Variants in PUDP observed in about 807,000 individuals in gnomAD.
PUDP encodes pseudouridine-5'-phosphatase.
PUDP carries 8 observed loss-of-function variants against 9.4 expected under a neutral mutation model. The observed-to-expected ratio is 0.85, with a 90% CI of 0.50 to 1.53. PUDP has a LOEUF of 1.53. Among genes scored for constraint, PUDP ranks in the 40% most tolerant of loss-of-function variants. The pLI is 0.00. For missense variants in PUDP, 188 were observed against 189.7 expected, an observed-to-expected ratio of 0.99 and a Z score of 0.05; for synonymous variants, 99 against 80.7, an observed-to-expected ratio of 1.23 and a Z score of -1.22.
At chrX:7,112,070 A>G (rs1472823785) in intron 1 of PUDP, among the ~76,000 whole-genome samples, 1 of 111,430 alleles carries the variant, frequency 9.0e-6, no homozygotes, top group Non-Finnish European at 1.9e-5. Flanking sequence ...ACATTAAACC[A>G]GCTTCACAAA....
intron 3 of PUDP, among the ~76,000 whole-genome samples, chrX:6,911,702 A>G (rs935465647): frequency 1.2e-4 from 13 of 112,198 alleles, no homozygotes; most frequent in African/African-American, 4.2e-4. Context: ...CTGAAAATTT[A>G]TTTTAGAAGT....
chrX:6,942,652 A>G (rs1167476330), intron 3 of PUDP, among the ~76,000 whole-genome samples: 1 of 112,561 alleles, frequency 8.9e-6, no homozygotes, highest in Non-Finnish European at 1.9e-5. Flanking sequence ...CTTATTTGAA[A>G]GCAGGCTTTT....
chrX:6,916,490 T>G (rs937386665), intron 3 of PUDP, among the ~76,000 whole-genome samples: 4 of 108,353 alleles, frequency 3.7e-5, no homozygotes, highest in Non-Finnish European at 5.7e-5. Flanking sequence ...TAAATAAAAA[T>G]TAATGGGTTG....
At position 7,075,377 on chromosome X, in the gene PUDP, C is replaced by T. The variant is rs560334094; in HGVS notation, c.510+1843G>A. 1.2e-4 allele frequency among the ~76,000 whole-genome samples: 13 copies of T among 111,599 alleles called. 1 individual carries two copies. Among genetic ancestry groups the T allele is most frequent in the Admixed American group, 3.8e-4 (4 of 10,577 alleles). On this transcript the variant is annotated intron_variant, in intron 3 of 3. Transcript: ENST00000381077. ...AAAATTAGCCAGGCGTGATGGCACACGCCTGTAATCCCAGGTACTCAGGAG... is the reference window on the plus strand; with the variant it reads ...AAAATTAGCCAGGCGTGATGGCACATGCCTGTAATCCCAGGTACTCAGGAG...
At chrX:7,132,658 T>C (rs1265913997) in intron 1 of PUDP, among the ~76,000 whole-genome samples, 1 of 112,078 alleles carries the variant, frequency 8.9e-6, no homozygotes, top group East Asian at 2.8e-4. Flanking sequence ...CTAAGGTCAT[T>C]GTGATCCACA....
At chrX:6,976,178 T>C (rs992078645) in intron 3 of PUDP, among the ~76,000 whole-genome samples, 3 of 111,807 alleles carry the variant, frequency 2.7e-5, no homozygotes, top group African/African-American at 9.8e-5. Flanking sequence ...CTTGGCTCCC[T>C]GGCTTCAGCC....
rs113890163 is a variant in PUDP at position 7,028,216 on chromosome X, C to G, written c.204+49004G>C. On this transcript the variant is annotated intron_variant and NMD_transcript_variant, in intron 1 of 3. Coordinates refer to the PUDP transcript ENST00000655425. ...GTCTTTCTGTACTACTATATATAGT[C>G]TATATATTGTAAGGAGGAAGATAAT... 3.9e-3 allele frequency among the ~76,000 whole-genome samples: 423 copies of G among 109,242 alleles called. 2 individuals carry two copies. Among genetic ancestry groups the G allele is most frequent in the African/African-American group, 0.014 (407 of 30,108 alleles). The allele number at this position is 109,242 out of a possible 115,157, so 94.9% of individuals were successfully genotyped here. A position where few individuals can be genotyped will look rare whatever the true frequency, so the allele number is the denominator to read the frequency against.
At chrX:6,938,786 CTTTTTTTT>C (rs764265665) in intron 3 of PUDP, among the ~76,000 whole-genome samples, 51 of 83,412 alleles carry the variant, frequency 6.1e-4, no homozygotes, top group African/African-American at 2.2e-3. Flanking sequence ...TTCTTTCTTT[CTTTTTTTT>C]TTTTTTTTTT....
At chrX:6,856,703 C>T (rs948328333) in intron 3 of PUDP, among the ~76,000 whole-genome samples, 4 of 111,685 alleles carry the variant, frequency 3.6e-5, no homozygotes, top group African/African-American at 9.7e-5. Context: ...TCATTTTATG[C>T]GTCAACTTGA....
chrX:7,071,714 C>A (rs1042810725), intron 3 of PUDP, among the ~76,000 whole-genome samples: 1 of 110,595 alleles, frequency 9.0e-6, no homozygotes, highest in Non-Finnish European at 1.9e-5. Context: ...CAGCGTACAG[C>A]AGAGTTGAAA....
intron 3 of PUDP, among the ~76,000 whole-genome samples, chrX:6,946,326 T>C (rs1176845441): frequency 9.0e-6 from 1 of 111,615 alleles, no homozygotes; most frequent in Non-Finnish European, 1.9e-5. Flanking sequence ...ATGCCTCTTA[T>C]AGCTTATTGA....
chrX:6,795,376 A>G (rs1925827372), intron 3 of PUDP, among the ~76,000 whole-genome samples: 1 of 111,839 alleles, frequency 8.9e-6, no homozygotes, highest in African/African-American at 3.3e-5. Context: ...TGGGTCAGAG[A>G]CAAAAGACAG....
At chrX:7,085,760 CT>C (rs1405195196) in intron 2 of PUDP, among the ~76,000 whole-genome samples, 2 of 111,855 alleles carry the variant, frequency 1.8e-5, no homozygotes, top group South Asian at 3.8e-4. Context: ...ATTGGTCATG[CT>C]CAGTGACAAA....
chrX:6,934,681 G>T (rs1928265654), intron 3 of PUDP, among the ~76,000 whole-genome samples: 1 of 98,620 alleles, frequency 1.0e-5, no homozygotes, highest in Non-Finnish European at 2.0e-5. Context: ...AAAAGACACA[G>T]ACTGGCAAAT....
intron 3 of PUDP, among the ~76,000 whole-genome samples, chrX:6,916,642 T>C (rs1434867581): frequency 8.9e-6 from 1 of 111,732 alleles, no homozygotes; most frequent in African/African-American, 3.3e-5. Flanking sequence ...GTAAGGTCAA[T>C]AGCCACATGG....
intron 3 of PUDP, among the ~76,000 whole-genome samples, chrX:6,948,352 T>C (rs771694110): frequency 1.2e-3 from 129 of 111,838 alleles, no homozygotes; most frequent in Admixed American, 2.6e-3. Flanking sequence ...GGCTGAGAGA[T>C]TGAGACACTG....
chrX:6,877,205 G>A (rs1204189175), intron 3 of PUDP, among the ~76,000 whole-genome samples: 1 of 110,146 alleles, frequency 9.1e-6, no homozygotes, highest in African/African-American at 3.3e-5. Context: ...GTGATTCTTT[G>A]GCCTCAGCCT....
At chrX:6,812,234 G>C (rs1926156005) in intron 3 of PUDP, among the ~76,000 whole-genome samples, 1 of 112,107 alleles carries the variant, frequency 8.9e-6, no homozygotes, top group South Asian at 3.7e-4. Flanking sequence ...AGGGTGAGAT[G>C]TCTCAACAAA....
intron 2 of PUDP, among the ~76,000 whole-genome samples, chrX:7,095,145 G>C (rs925149230): frequency 1.2e-4 from 13 of 112,339 alleles, no homozygotes; most frequent in African/African-American, 3.9e-4. Flanking sequence ...CTCAACAGAA[G>C]GTCACCGCCA....
Sources: allele counts gnomAD v4.1 joint callset (sites outside exome capture counted in the v4.1 genomes callset), GRCh38; gene constraint gnomAD v4.1.1; transcripts MANE v1.5; gene names NCBI Gene and HGNC (gene_info 2026-07-23, HGNC 2026-07-21).